The following TMEM267 variants were observed in gnomAD, a reference collection of about 807,000 sequenced individuals.
TMEM267 encodes the protein transmembrane protein C5orf28.
In TMEM267, 20 loss-of-function variants were observed where a neutral mutation model predicts 19.3. That is an observed-to-expected ratio of 1.04 (90% CI 0.73 to 1.51). The LOEUF is 1.51. Among genes scored for constraint, TMEM267 ranks in the 40% most tolerant of loss-of-function variants. The pLI is 0.00. For missense variants in TMEM267, 242 were observed against 261.9 expected, an observed-to-expected ratio of 0.92 and a Z score of 0.52; for synonymous variants, 88 against 90.3, an observed-to-expected ratio of 0.97 and a Z score of 0.15.
intron 1 of TMEM267, chr5:43,476,399 C>G (rs1744420627): frequency 6.6e-6 from 1 of 152,050 alleles, no homozygotes; most frequent in South Asian, 2.1e-4. Flanking sequence ...ACAAGAGACT[C>G]AGAGGCAAGT....
At chr5:43,459,361 G>A (rs1169719455) in intron 1 of TMEM267, among the ~76,000 whole-genome samples, 6 of 151,990 alleles carry the variant, frequency 3.9e-5, no homozygotes, top group Non-Finnish European at 7.4e-5. Context: ...AAGCAATAGG[G>A]ACCAAATAAA....
chr5:43,451,094 G>A (rs940952291), intron 2 of TMEM267, among the ~76,000 whole-genome samples: 2 of 151,854 alleles, frequency 1.3e-5, no homozygotes, highest in Non-Finnish European at 2.9e-5. Flanking sequence ...CAAAGTGCTG[G>A]GAGATTACAG....
At chr5:43,470,167 G>T (rs770681161) in intron 1 of TMEM267, among the ~76,000 whole-genome samples, 1 of 152,170 alleles carries the variant, frequency 6.6e-6, no homozygotes, top group Non-Finnish European at 1.5e-5. Context: ...TTCAGATGGA[G>T]TCTCGCTCTG....
intron 1 of TMEM267, among the ~76,000 whole-genome samples, chr5:43,466,952 T>C (rs1201025685): frequency 6.6e-6 from 1 of 150,910 alleles, no homozygotes; most frequent in Non-Finnish European, 1.5e-5. Context: ...AGTTTGAGAG[T>C]AGCCTAGCCA....
chr5:43,452,364 C>T (rs968393226), intron 2 of TMEM267, among the ~76,000 whole-genome samples: 71 of 152,146 alleles, frequency 4.7e-4, no homozygotes, highest in African/African-American at 1.6e-3. Context: ...AAAAAAGACA[C>T]ACATGTTCTC....
chr5:43,466,867 G>A (rs1743752643), intron 1 of TMEM267, among the ~76,000 whole-genome samples: 1 of 151,800 alleles, frequency 6.6e-6, no homozygotes, highest in South Asian at 2.1e-4. Context: ...AGAAGGAAGA[G>A]GCCAGATGCA....
Position 43,446,195 on chromosome 5 carries a change from T to C in TMEM267, c.*27A>G. The C allele has an allele frequency of 1.4e-6, 2 of 1,448,826 alleles. No homozygotes were observed. The highest frequency in any genetic ancestry group is 1.9e-6 in the Non-Finnish European group (2 of 1,044,762). 89.7% of individuals were successfully genotyped at this position (1,448,826 alleles called of 1,614,324 possible). ...CTCTTAATTATCATCATCTGAGCCA[T>C]TTGCTTCTCTAAGACTGCCGTGTAC... On this transcript the variant is annotated 3_prime_UTR_variant, in exon 3 of 3. Transcript: ENST00000397080.
intron 1 of TMEM267, among the ~76,000 whole-genome samples, chr5:43,478,745 A>C (rs904021205): frequency 1.3e-5 from 2 of 152,172 alleles, no homozygotes; most frequent in African/African-American, 4.8e-5. Context: ...TGGAAAAGAA[A>C]TACAAAGTGT....
Position 43,446,535 on chromosome 5 carries a change from C to A in TMEM267, c.335G>T (p.Arg112Ile). The A allele has an allele frequency of 1.2e-6, 2 of 1,611,526 alleles. No homozygotes were observed. The highest frequency in any genetic ancestry group is 1.7e-6 in the Non-Finnish European group (2 of 1,178,208). Residue 112 changes from arginine to isoleucine, a missense_variant, in exon 3 of 3, where the codon AGA becomes ATA. By Grantham distance (97) the Arg-to-Ile change is moderately conservative (BLOSUM62 -3). Transcript: ENST00000397080. ...CACAGTAGAACAGTGAAGGAAAGGT[C>A]TTCGCGGGAGAGTCAAAGCAGCCTG... ...SLKAALTLPR[R>I]PFLHCSTVIP...
At position 43,474,779 on chromosome 5, in the gene TMEM267, AT is replaced by A. The variant is rs1356884566; in HGVS notation, c.-75+9042del. Among the ~76,000 whole-genome samples the A allele has an allele frequency of 7.7e-3, 1,157 of 150,528 alleles. 15 individuals carry two copies. The highest frequency in any genetic ancestry group is 0.027 in the African/African-American group (1,111 of 40,812). On this transcript the variant is annotated intron_variant, in intron 1 of 2. Transcript: ENST00000397080. ...TGTCTCAAAAAAAAAAAAAAAAAAAATGAAAAAAGGCTCATCATCACTGGTC... is the reference window on the plus strand; with the variant it reads ...TGTCTCAAAAAAAAAAAAAAAAAAAAGAAAAAAGGCTCATCATCACTGGTC...
Position 43,446,210 on chromosome 5 carries a change from C to A in TMEM267, c.*12G>T, listed in dbSNP as rs1347832036. 2 of 1,567,560 alleles carry A rather than the reference C, an allele frequency of 1.3e-6. No individual in the cohort carries two copies. Among genetic ancestry groups the A allele is most frequent in the South Asian group, 1.1e-5 (1 of 87,856 alleles). On this transcript the variant is annotated 3_prime_UTR_variant, in exon 3 of 3. Coordinates refer to ENST00000397080, the MANE Select transcript of TMEM267 (RefSeq NM_022483.5). ...ATCTGAGCCATTTGCTTCTCTAAGA[C>A]TGCCGTGTACCTCAGACATCAATAC...
Position 43,483,508 on chromosome 5 carries a change from C to T in TMEM267, c.-75+314G>A, listed in dbSNP as rs535375802. 1.3e-3 allele frequency among the ~76,000 whole-genome samples: 203 copies of T among 152,290 alleles called. 9 individuals are homozygous for T. Among genetic ancestry groups the T allele is most frequent in the Non-Finnish European group, 8.7e-4 (59 of 68,024 alleles). On this transcript the variant is annotated intron_variant, in intron 1 of 2. Coordinates refer to ENST00000397080, the MANE Select transcript of TMEM267 (RefSeq NM_022483.5). Reference sequence around the variant, plus strand: ...AACCCCACCCTGGGCCAGAAAAAGGCCAGGGGCGCGGAGCGTAGGCGGAGG... The same window carrying T: ...AACCCCACCCTGGGCCAGAAAAAGGTCAGGGGCGCGGAGCGTAGGCGGAGG...
chr5:43,476,877 T>C (rs886881096), intron 1 of TMEM267, among the ~76,000 whole-genome samples: 14 of 150,106 alleles, frequency 9.3e-5, no homozygotes, highest in African/African-American at 3.4e-4. Flanking sequence ...CAGTTTTGTA[T>C]AAGTAAAAAA....
intron 1 of TMEM267, among the ~76,000 whole-genome samples, chr5:43,459,807 T>C (rs1184477670): frequency 6.6e-6 from 1 of 152,174 alleles, no homozygotes; most frequent in Non-Finnish European, 1.5e-5. Context: ...CCCAGTCCTT[T>C]TTGGCACCAG....
chr5:43,448,633 G>C (rs1274254190), intron 2 of TMEM267, among the ~76,000 whole-genome samples: 1 of 151,996 alleles, frequency 6.6e-6, no homozygotes, highest in African/African-American at 2.4e-5. Context: ...AAAATTAGCT[G>C]GGCATGGTGG....
At chr5:43,461,588 G>A (rs1167427428) in intron 1 of TMEM267, among the ~76,000 whole-genome samples, 6 of 152,108 alleles carry the variant, frequency 3.9e-5, no homozygotes. Context: ...AGGCCAGGCA[G>A]CATCCACCAC....
chr5:43,455,203 T>C (rs775227988), intron 1 of TMEM267, among the ~76,000 whole-genome samples: 1 of 152,042 alleles, frequency 6.6e-6, no homozygotes, highest in African/African-American at 2.4e-5. Context: ...GCAGGAGGAT[T>C]GCTTGAGGAC....
intron 2 of TMEM267, among the ~76,000 whole-genome samples, chr5:43,449,977 T>C (rs1173526946): frequency 6.6e-6 from 1 of 152,042 alleles, no homozygotes; most frequent in Non-Finnish European, 1.5e-5. Flanking sequence ...GTCTAAAATA[T>C]CAATGTAGCG....
intron 1 of TMEM267, among the ~76,000 whole-genome samples, chr5:43,475,122 G>A (rs116270012): frequency 0.031 from 4,716 of 151,708 alleles, 124 homozygotes; most frequent in Admixed American, 0.053. Context: ...GGCTTGGAAC[G>A]AAATGCCCAT....
Sources: gnomAD v4.1 joint callset for allele counts (sites outside exome capture counted in the v4.1 genomes callset) on GRCh38, gnomAD v4.1.1 for gene constraint, MANE v1.5 for transcripts, NCBI Gene and HGNC (gene_info 2026-07-23, HGNC 2026-07-21) for gene names.